Variants in SGPP1 observed in about 807,000 individuals in gnomAD.
SGPP1 encodes the protein hSPP1.
In SGPP1, 21 loss-of-function variants were observed where a neutral mutation model predicts 33.0. The ratio of observed to expected loss-of-function variants is 0.64; its 90% confidence interval spans 0.45 to 0.92. The LOEUF is 0.92. Among genes scored for constraint, SGPP1 ranks in the 40% least tolerant of loss-of-function variants. The pLI is 0.00. For missense variants in SGPP1, 543 were observed against 589.4 expected (o/e 0.92, Z 0.81); for synonymous variants, 239 against 241.2 (o/e 0.99, Z 0.08).
At chr14:63,692,727 T>C (rs1210928723) in intron 2 of SGPP1, among the ~76,000 whole-genome samples, 2 of 152,122 alleles carry the variant, frequency 1.3e-5, no homozygotes, top group Non-Finnish European at 2.9e-5. Context: ...GTTGGAATTA[T>C]AGGCATTATC....
chr14:63,693,192 C>T (rs1418566957), intron 2 of SGPP1, among the ~76,000 whole-genome samples: 1 of 152,220 alleles, frequency 6.6e-6, no homozygotes, highest in Non-Finnish European at 1.5e-5. Context: ...CTCGGCCTCC[C>T]GAAGTGTTGG....
intron 2 of SGPP1, among the ~76,000 whole-genome samples, chr14:63,696,797 C>T (rs1346066694): frequency 6.6e-6 from 1 of 152,096 alleles, no homozygotes; most frequent in Non-Finnish European, 1.5e-5. Flanking sequence ...ACCAGCCTGG[C>T]CAACATGGTG....
chr14:63,701,081 A>G (rs1885288879), intron 1 of SGPP1, among the ~76,000 whole-genome samples: 1 of 152,068 alleles, frequency 6.6e-6, no homozygotes, highest in Non-Finnish European at 1.5e-5. Flanking sequence ...CTCAGACTCA[A>G]GCGACCCTCC....
At chr14:63,713,982 T>C (rs1885572271) in intron 1 of SGPP1, among the ~76,000 whole-genome samples, 1 of 152,218 alleles carries the variant, frequency 6.6e-6, no homozygotes, top group African/African-American at 2.4e-5. Flanking sequence ...AGACAGAACA[T>C]ATCCAGAAGG....
intron 2 of SGPP1, among the ~76,000 whole-genome samples, chr14:63,689,711 G>A (rs1473478045): frequency 2.0e-5 from 3 of 151,568 alleles, no homozygotes; most frequent in Admixed American, 1.3e-4. Context: ...CAGGAGAATC[G>A]CTTAGAACCC....
intron 2 of SGPP1, among the ~76,000 whole-genome samples, chr14:63,689,988 C>A (rs1262485269): frequency 2.0e-5 from 3 of 152,056 alleles, no homozygotes; most frequent in Admixed American, 6.6e-5. Context: ...TTGGTTTTCC[C>A]ACTTATGGTC....
chr14:63,710,259 A>C (rs576569356), intron 1 of SGPP1, among the ~76,000 whole-genome samples: 1 of 152,316 alleles, frequency 6.6e-6, no homozygotes, highest in Non-Finnish European at 1.5e-5. Context: ...TGACCCAGCA[A>C]TGCTAGAATT....
chr14:63,708,590 T>G (rs1474366263), intron 1 of SGPP1, among the ~76,000 whole-genome samples: 2 of 152,144 alleles, frequency 1.3e-5, no homozygotes, highest in African/African-American at 4.8e-5. Context: ...TGACCGTTAA[T>G]TTGGCTAGAC....
At chr14:63,712,029 CA>C (rs61030675) in intron 1 of SGPP1, among the ~76,000 whole-genome samples, 2,063 of 70,722 alleles carry the variant, frequency 0.029, 30 homozygotes, top group African/African-American at 0.083. Flanking sequence ...GACTCCATCT[CA>C]AAAAAAAAAA....
At chr14:63,715,340 T>G (rs2139649979) in intron 1 of SGPP1, among the ~76,000 whole-genome samples, 1 of 152,260 alleles carries the variant, frequency 6.6e-6, no homozygotes, top group South Asian at 2.1e-4. Flanking sequence ...ACAGTTCATC[T>G]GCTCATAACT....
rs1884935517 is a variant in SGPP1, at chr14:63,684,718, T to C, written c.*1387A>G. ...AGTTAATCTCTTCTTTATGAAAAAC[T>C]TTCTACAAATACACTTACTATTAAC... On this transcript the variant is annotated 3_prime_UTR_variant, in exon 3 of 3. Coordinates refer to ENST00000247225, the MANE Select transcript of SGPP1 (RefSeq NM_030791.4). 1 of 152,426 alleles carries C rather than the reference T, an allele frequency of 6.6e-6. No individual in the cohort carries two copies. The highest frequency in any genetic ancestry group is 6.6e-5 in the Admixed American group (1 of 15,256). 9.4% of individuals were successfully genotyped at this position (152,426 alleles called of 1,614,324 possible). A position where few individuals can be genotyped will look rare whatever the true frequency, so the allele number is the denominator to read the frequency against.
intron 1 of SGPP1, among the ~76,000 whole-genome samples, chr14:63,726,425 T>G (rs189127308): frequency 6.6e-6 from 1 of 152,012 alleles, no homozygotes; most frequent in Non-Finnish European, 1.5e-5. Flanking sequence ...ACTCTTCCCT[T>G]GGCAGTTTTC....
chr14:63,703,972 T>C (rs1885355844), intron 1 of SGPP1, among the ~76,000 whole-genome samples: 1 of 151,684 alleles, frequency 6.6e-6, no homozygotes, highest in Non-Finnish European at 1.5e-5. Flanking sequence ...ACTACAGGTG[T>C]GCACCACCAT....
rs1254179252 is a variant in SGPP1 at position 63,698,589 on chromosome 14, T to A, written c.754A>T (p.Met252Leu). The A allele has an allele frequency of 4.4e-6, 7 of 1,590,210 alleles. No individual in the cohort carries two copies. Among genetic ancestry groups the A allele is most frequent in the East Asian group, 2.2e-5 (1 of 44,480 alleles). Residue 252 changes from methionine to leucine, a missense_variant, in exon 2 of 3, where the codon ATG (methionine) becomes TTG (leucine). By Grantham distance (15) the Met-to-Leu change is conservative. Coordinates refer to ENST00000247225, the MANE Select transcript of SGPP1 (RefSeq NM_030791.4). ...CSLVCLSRIY[M>L]GMHSILDIIA... is the part of the protein sequence containing the mutation. ...CTTACCAGAATAGAGTGCATTCCCA[T>A]GTAAATTCTACTTAGGCAAACTAGA...
intron 2 of SGPP1, among the ~76,000 whole-genome samples, chr14:63,693,037 C>T (rs972656116): frequency 1.3e-5 from 2 of 152,012 alleles, no homozygotes; most frequent in Non-Finnish European, 2.9e-5. Context: ...TGGGCTCAAG[C>T]AATCCTCCCA....
chr14:63,700,946 A>T (rs1406506413), intron 1 of SGPP1, among the ~76,000 whole-genome samples: 2 of 152,224 alleles, frequency 1.3e-5, no homozygotes, highest in African/African-American at 4.8e-5. Flanking sequence ...CAAAGTGGAC[A>T]AAGCTGTTTG....
rs78323324 is a variant in SGPP1, at chr14:63,726,183, C to T, written c.684+1078G>A. On this transcript the variant is annotated intron_variant, in intron 1 of 2. Coordinates refer to ENST00000247225, the MANE Select transcript of SGPP1 (RefSeq NM_030791.4). ...TGAAATTTAATGTGGGATAAGTAAG[C>T]TTATCATAATGGAGTTTTACACAGA... 8.7e-3 allele frequency among the ~76,000 whole-genome samples: 1,329 copies of T among 152,226 alleles called. 21 individuals carry two copies. The highest frequency in any genetic ancestry group is 0.03 in the African/African-American group (1,250 of 41,538).
At chr14:63,713,554 A>G (rs1885564208) in intron 1 of SGPP1, among the ~76,000 whole-genome samples, 1 of 152,210 alleles carries the variant, frequency 6.6e-6, no homozygotes, top group Admixed American at 6.6e-5. Context: ...ATCCCAAAAG[A>G]TCAAAATCTC....
chr14:63,710,262 C>CTTAGTATAGTA (rs1885496106), intron 1 of SGPP1, among the ~76,000 whole-genome samples: 5 of 152,018 alleles, frequency 3.3e-5, no homozygotes, highest in African/African-American at 1.2e-4. Context: ...CCCAGCAATG[C>CTTAGTATAGTA]TAGAATTCTA....
Sources: gnomAD v4.1 joint callset for allele counts (sites outside exome capture counted in the v4.1 genomes callset) on GRCh38, gnomAD v4.1.1 for gene constraint, MANE v1.5 for transcripts, NCBI Gene and HGNC (gene_info 2026-07-23, HGNC 2026-07-21) for gene names.